DOCK1: variants seen among roughly 807,000 people sequenced by gnomAD.
The protein encoded by DOCK1 is dedicator of cytokinesis protein 1.
In DOCK1, 138 loss-of-function variants were observed where a neutral mutation model predicts 262.7. That is an observed-to-expected ratio of 0.53 (90% CI 0.46 to 0.61). DOCK1 has a LOEUF of 0.61. DOCK1 is among the 20% of genes least tolerant of loss of function. The pLI is 0.00. For synonymous variants in DOCK1, 866 were observed against 867.4 expected, an observed-to-expected ratio of 1.00 and a Z score of 0.03; for missense variants, 1,908 against 2,370.7, an observed-to-expected ratio of 0.80 and a Z score of 4.05.
chr10:127,295,951 G>A (rs1187476127), intron 29 of DOCK1, among the ~76,000 whole-genome samples: 2 of 152,194 alleles, frequency 1.3e-5, no homozygotes, highest in Non-Finnish European at 2.9e-5. Flanking sequence ...ATGCTCTTAA[G>A]TAAAAATAAA....
chr10:127,197,851 C>T (rs1432216693), intron 27 of DOCK1, among the ~76,000 whole-genome samples: 1 of 152,200 alleles, frequency 6.6e-6, no homozygotes, highest in Non-Finnish European at 1.5e-5. Context: ...GAAATACCTT[C>T]TTTGTATGTG....
intron 29 of DOCK1, among the ~76,000 whole-genome samples, chr10:127,298,550 C>T (rs1302876050): frequency 1.3e-5 from 2 of 152,114 alleles, no homozygotes; most frequent in Non-Finnish European, 2.9e-5. Flanking sequence ...AGAATTTCCC[C>T]ACAGCATTTC....
At chr10:127,095,663 G>C (rs967273322) in intron 23 of DOCK1, among the ~76,000 whole-genome samples, 4 of 146,428 alleles carry the variant, frequency 2.7e-5, no homozygotes, top group Non-Finnish European at 6.0e-5. Flanking sequence ...CCAGGAAGCT[G>C]TGTGTGTGTG....
intron 38 of DOCK1, among the ~76,000 whole-genome samples, chr10:127,387,063 C>A (rs2066166818): frequency 6.6e-6 from 1 of 152,162 alleles, no homozygotes; most frequent in Non-Finnish European, 1.5e-5. Flanking sequence ...GAGGCAGGGA[C>A]CCTGGGGTGG....
At chr10:127,299,953 G>T (rs1026500898) in intron 29 of DOCK1, among the ~76,000 whole-genome samples, 7 of 152,094 alleles carry the variant, frequency 4.6e-5, no homozygotes, top group African/African-American at 1.7e-4. Context: ...CTTATCTCAG[G>T]CTCCATGGCA....
chr10:127,166,095 T>G (rs1381699324), intron 27 of DOCK1, among the ~76,000 whole-genome samples: 1 of 152,068 alleles, frequency 6.6e-6, no homozygotes, highest in Non-Finnish European at 1.5e-5. Context: ...AGACAGAGTC[T>G]CGCTCTGTAG....
At position 126,990,449 on chromosome 10, in the gene DOCK1, G is replaced by A. The variant is rs771746790; in HGVS notation, c.325-6G>A. 1.3e-5 allele frequency: 20 copies of A among 1,599,886 alleles called. No homozygotes were observed. Among genetic ancestry groups the A allele is most frequent in the Middle Eastern group, 3.3e-4 (2 of 6,046 alleles). On this transcript the variant is annotated splice_region_variant and splice_polypyrimidine_tract_variant and intron_variant, in intron 5 of 51. Coordinates refer to ENST00000623213, the MANE Select transcript of DOCK1 (RefSeq NM_001290223.2). ...AATCTTTCTGATTGGGTTTTTCCCC[G>A]TATAGCAAGATAACAGGGAGATGTT...
chr10:127,352,615 CAG>C (rs1252805070), intron 31 of DOCK1, among the ~76,000 whole-genome samples: 2 of 151,976 alleles, frequency 1.3e-5, no homozygotes, highest in African/African-American at 4.8e-5. Flanking sequence ...TTTCTTGATA[CAG>C]AGTCTTTCTC....
intron 29 of DOCK1, among the ~76,000 whole-genome samples, chr10:127,259,595 G>T (rs1015834775): frequency 6.6e-6 from 1 of 152,196 alleles, no homozygotes; most frequent in Non-Finnish European, 1.5e-5. Context: ...ACTCCTCTAC[G>T]TGTAGACCTG....
intron 1 of DOCK1, among the ~76,000 whole-genome samples, chr10:126,941,173 G>C (rs2034951522): frequency 6.6e-6 from 1 of 152,178 alleles, no homozygotes; most frequent in South Asian, 2.1e-4. Context: ...CATTTCAGCT[G>C]TTTAAACTCC....
intron 33 of DOCK1, among the ~76,000 whole-genome samples, chr10:127,364,181 G>C (rs868632664): frequency 1.3e-5 from 2 of 152,118 alleles, no homozygotes; most frequent in African/African-American, 2.4e-5. Context: ...TGGCCATTTC[G>C]TCAGGGTTGT....
intron 27 of DOCK1, among the ~76,000 whole-genome samples, chr10:127,190,665 T>C (rs1185882): frequency 0.035 from 1,396 of 40,234 alleles, 267 homozygotes; most frequent in East Asian, 0.15. Flanking sequence ...AATCCTATCT[T>C]CCCCCCCCCC....
intron 29 of DOCK1, among the ~76,000 whole-genome samples, chr10:127,313,830 G>C (rs1034065561): frequency 4.6e-5 from 7 of 152,154 alleles, no homozygotes; most frequent in Admixed American, 3.3e-4. Context: ...AGCCCCTCGA[G>C]GGGACTCCAA....
chr10:126,987,541 C>T lies in DOCK1; in HGVS notation c.248C>T (p.Pro83Leu), dbSNP rs377023959. The change falls in exon 5 of 52, where the codon CCG becomes CTG. Residue 83 changes from proline to leucine, a missense_variant. This residue lies in a region of DOCK1 where 227 missense variants were observed against 254.1 expected (regional missense o/e 0.89). Transcript: ENST00000623213. ...EGKGQHETVI[P>L]GDLPLIQEVT... ...CCCAGGCAACATGAAACAGTCATCC[C>T]GGGTGACCTCCCCCTCATCCAGGAA... 113 of 1,579,666 alleles carry T rather than the reference C, an allele frequency of 7.2e-5. 1 individual carries two copies. The highest frequency in any genetic ancestry group is 1.7e-4 in the Middle Eastern group (1 of 6,056).
intron 33 of DOCK1, among the ~76,000 whole-genome samples, chr10:127,363,013 C>CGA (rs1565027503): frequency 3.4e-3 from 126 of 37,090 alleles, no homozygotes; most frequent in Middle Eastern, 0.026. Flanking sequence ...ACGCACATCC[C>CGA]CACACACACA....
chr10:127,291,113 G>A (rs1226198337), intron 29 of DOCK1, among the ~76,000 whole-genome samples: 2 of 152,118 alleles, frequency 1.3e-5, no homozygotes, highest in African/African-American at 2.4e-5. Flanking sequence ...TCTGGCTTAG[G>A]TTGAGATTGG....
At chr10:127,379,577 C>T (rs1296008964) in intron 35 of DOCK1, among the ~76,000 whole-genome samples, 1 of 152,134 alleles carries the variant, frequency 6.6e-6, no homozygotes, top group East Asian at 1.9e-4. Flanking sequence ...TTTACTTTAC[C>T]TTTTAATATA....
At chr10:127,261,217 G>GCC in intron 29 of DOCK1, among the ~76,000 whole-genome samples, 19 of 60,552 alleles carry the variant, frequency 3.1e-4, no homozygotes, top group Admixed American at 7.7e-4. Context: ...CTGCATGTGT[G>GCC]TGCATGTGGG....
chr10:127,331,113 A>G (rs908008783), intron 29 of DOCK1, among the ~76,000 whole-genome samples: 25 of 152,198 alleles, frequency 1.6e-4, no homozygotes, highest in Non-Finnish European at 4.4e-5. Flanking sequence ...AAGGTGATAT[A>G]GGAATGAGTT....
Sources: allele counts gnomAD v4.1 joint callset (sites outside exome capture counted in the v4.1 genomes callset), GRCh38; gene constraint gnomAD v4.1.1; regional missense constraint gnomAD v4.1.1; transcripts MANE v1.5; gene names NCBI Gene and HGNC (gene_info 2026-07-23, HGNC 2026-07-21).